The following EPB41L5 variants were observed in gnomAD, a reference collection of about 807,000 sequenced individuals.
EPB41L5 encodes the protein erythrocyte membrane protein band 4.1 like 5, also known as band 4.1-like protein 5.
A neutral mutation model predicts 106.6 loss-of-function variants in EPB41L5; 55 were observed. The observed-to-expected ratio is 0.52, with a 90% CI of 0.42 to 0.65. The LOEUF is 0.65. Among genes scored for constraint, EPB41L5 ranks in the 30% least tolerant of loss-of-function variants. EPB41L5 has a pLI of 0.00. For missense variants in EPB41L5, 871 were observed against 882.1 expected (o/e 0.99, Z 0.16); for synonymous variants, 297 against 306.7 (o/e 0.97, Z 0.33).
chr2:120,104,546 T>C (rs1016818557), intron 16 of EPB41L5: 1 of 1,018,010 alleles, frequency 9.8e-7, no homozygotes, highest in African/African-American at 1.7e-5. Context: ...AGGAGAAGGT[T>C]TGTGTTTGTG....
chr2:120,073,246 G>T (rs552488422), intron 4 of EPB41L5, 26 bp downstream of exon 4: 3 of 1,549,204 alleles, frequency 1.9e-6, no homozygotes, highest in East Asian at 2.3e-5. Context: ...ATTATTTGTG[G>T]GGGGGAAAGG....
In EPB41L5 at chr2:120,176,769, T is replaced by A. The variant is rs1687931919; in HGVS notation, c.*1862T>A. 6.6e-6 allele frequency: 1 copy of A among 152,242 alleles called. No homozygotes were observed. The highest frequency in any genetic ancestry group is 2.1e-4 in the South Asian group (1 of 4,832). The allele number at this position is 152,242 out of a possible 1,614,324, so 9.4% of individuals were successfully genotyped here. The stretch of plus-strand genomic sequence containing the variant: ...TAGATGTCCTACAGGGTTACCGTTG[T>A]GCTGCTCACCACAGAGCAGCTGAGG... On this transcript the variant is annotated 3_prime_UTR_variant, in exon 25 of 25. Transcript: ENST00000263713.
chr2:120,131,537 A>G lies in EPB41L5; in HGVS notation c.1502-81A>G, dbSNP rs1009984589. The G allele has an allele frequency of 8.8e-6, 8 of 906,510 alleles. No homozygotes were observed. In the African/African-American group the frequency reaches 1.3e-4, roughly 15 times the overall value. 56.2% of individuals were successfully genotyped at this position (906,510 alleles called of 1,614,324 possible). A position where few individuals can be genotyped will look rare whatever the true frequency, so the allele number is the denominator to read the frequency against. On this transcript the variant is annotated intron_variant, in intron 17 of 24. Transcript: ENST00000263713. ...TGATGATAACTGATGTTGAGAAGAC[A>G]AAACAAAACCATACCCTCACACAGC... is the stretch of plus-strand genomic sequence containing the variant.
chr2:120,155,517 T>C (rs1264539439), intron 20 of EPB41L5, among the ~76,000 whole-genome samples: 1 of 152,224 alleles, frequency 6.6e-6, no homozygotes, highest in Non-Finnish European at 1.5e-5. Flanking sequence ...ATTGAGCTTC[T>C]TAGATGTGTA....
intron 3 of EPB41L5, among the ~76,000 whole-genome samples, chr2:120,055,481 A>ATTTTTTTTTTTTTTTTTTTTTTTTTTT (rs34856540): frequency 1.2e-5 from 1 of 85,552 alleles, no homozygotes; most frequent in African/African-American, 4.9e-5. Context: ...TAGGTTTTTA[A>ATTTTTTTTTTTTTTTTTTTTTTTTTTT]TTTTTTTTTT....
At chr2:120,093,052 T>G (rs1683517950) in intron 13 of EPB41L5, among the ~76,000 whole-genome samples, 197 bp from the exon 14 acceptor site, 1 of 152,128 alleles carries the variant, frequency 6.6e-6, no homozygotes, top group African/African-American at 2.4e-5. Flanking sequence ...TCTTAGGAGT[T>G]TGAGACCAGC....
chr2:120,065,515 C>CTTTTTTT, intron 3 of EPB41L5, among the ~76,000 whole-genome samples: 1 of 139,938 alleles, frequency 7.1e-6, no homozygotes, highest in Non-Finnish European at 1.5e-5. Context: ...TTAGATTGTT[C>CTTTTTTT]TTTTTTTTTT....
Position 120,095,609 on chromosome 2 carries a change from G to A in EPB41L5, c.1178+2333G>A, listed in dbSNP as rs566193664. 4.0e-5 allele frequency among the ~76,000 whole-genome samples: 6 copies of A among 149,372 alleles called. No homozygotes were observed. The East Asian group carries it at 1.2e-3, about 29-fold the overall frequency. ...TTCACTGGCGAGAGTATCTACTTTT[G>A]TTTTCAAATTACCATTCTGAAGGTC... On this transcript the variant is annotated intron_variant, in intron 14 of 24. Transcript: ENST00000263713.
intron 3 of EPB41L5, among the ~76,000 whole-genome samples, chr2:120,072,131 A>G (rs1681912043): frequency 6.6e-6 from 1 of 152,244 alleles, no homozygotes; most frequent in South Asian, 2.1e-4. Context: ...AAGGATATGA[A>G]CAGACACTTC....
At chr2:120,149,025 T>G (rs1040977034) in intron 20 of EPB41L5, among the ~76,000 whole-genome samples, 1 of 152,180 alleles carries the variant, frequency 6.6e-6, no homozygotes, top group Non-Finnish European at 1.5e-5. Flanking sequence ...TGACAGTGCT[T>G]ATTATTCTCC....
intron 18 of EPB41L5, among the ~76,000 whole-genome samples, chr2:120,136,029 A>G (rs966485611): frequency 2.0e-5 from 3 of 151,338 alleles, no homozygotes; most frequent in African/African-American, 4.9e-5. Flanking sequence ...AACTACAACA[A>G]CTTTTCTAGA....
chr2:120,152,599 G>C (rs1461491922), intron 20 of EPB41L5, among the ~76,000 whole-genome samples: 1 of 152,144 alleles, frequency 6.6e-6, no homozygotes, highest in African/African-American at 2.4e-5. Context: ...TTGGTGACAG[G>C]GCAATAGTGT....
chr2:120,073,817 A>C (rs1385648793), intron 4 of EPB41L5, among the ~76,000 whole-genome samples: 1 of 152,180 alleles, frequency 6.6e-6, no homozygotes, highest in Non-Finnish European at 1.5e-5. Flanking sequence ...GCAGGTTTTC[A>C]GGGCTGTTAG....
intron 15 of EPB41L5, 27 bp downstream of exon 15, chr2:120,100,313 A>C: frequency 6.2e-7 from 1 of 1,604,040 alleles, no homozygotes. Context: ...CTTCTAAAAC[A>C]CTGGATCACC....
intron 16 of EPB41L5, chr2:120,105,217 A>G (rs895543321): frequency 3.1e-6 from 3 of 983,426 alleles, no homozygotes; most frequent in Admixed American, 1.2e-4. Context: ...GAAAAAGTCC[A>G]TTTCTGATAG....
chr2:120,014,951 A>T (rs1677410591), intron 1 of EPB41L5, among the ~76,000 whole-genome samples: 1 of 138,054 alleles, frequency 7.2e-6, no homozygotes, highest in Non-Finnish European at 1.6e-5. Flanking sequence ...TGAGTATGAG[A>T]AAACTTTTTT....
At chr2:120,137,661 C>A (rs1685985300) in intron 18 of EPB41L5, among the ~76,000 whole-genome samples, 1 of 151,908 alleles carries the variant, frequency 6.6e-6, no homozygotes, top group East Asian at 1.9e-4. Context: ...AAGAAGGAAT[C>A]CAAAACCTGA....
chr2:120,143,832 T>G (rs1418962595), intron 19 of EPB41L5, among the ~76,000 whole-genome samples: 1 of 152,132 alleles, frequency 6.6e-6, no homozygotes, highest in African/African-American at 2.4e-5. Flanking sequence ...ATAAAATAAA[T>G]ATAAAATATG....
chr2:120,019,313 T>C (rs779932798), intron 2 of EPB41L5, 49 bp downstream of exon 2: 8 of 1,537,434 alleles, frequency 5.2e-6, no homozygotes, highest in Middle Eastern at 3.5e-4. Context: ...TTACTGTCTT[T>C]GTTTGTTTGT....
Sources: gnomAD v4.1 joint callset for allele counts (sites outside exome capture counted in the v4.1 genomes callset) on GRCh38, gnomAD v4.1.1 for gene constraint, MANE v1.5 for transcripts, NCBI Gene and HGNC (gene_info 2026-07-23, HGNC 2026-07-21) for gene names.